ZFYVE9: variants seen among roughly 807,000 people sequenced by gnomAD.
The protein encoded by ZFYVE9 is zinc finger FYVE-type containing 9, also known as zinc finger FYVE domain-containing protein 9.
In ZFYVE9, 43 loss-of-function variants were observed where a neutral mutation model predicts 126.7. The observed-to-expected ratio is 0.34, with a 90% CI of 0.27 to 0.44. The LOEUF (loss-of-function observed/expected upper bound fraction) is 0.44. ZFYVE9 is among the 20% of genes least tolerant of loss of function. The pLI, the probability that ZFYVE9 is intolerant of heterozygous loss-of-function variation, is 1.00. For synonymous variants in ZFYVE9, 521 were observed against 597.4 expected, an observed-to-expected ratio of 0.87 and a Z score of 1.87; for missense variants, 1,476 against 1,697.0, an observed-to-expected ratio of 0.87 and a Z score of 2.29.
chr1:52,255,096 A>G (rs1484061509), intron 4 of ZFYVE9, among the ~76,000 whole-genome samples: 2 of 152,026 alleles, frequency 1.3e-5, no homozygotes, highest in Non-Finnish European at 1.5e-5. Context: ...GTCTCAAAAA[A>G]AAAAAAAAAA....
chr1:52,311,356 C>T (rs1009427705), intron 13 of ZFYVE9, among the ~76,000 whole-genome samples: 2 of 150,206 alleles, frequency 1.3e-5, no homozygotes, highest in African/African-American at 2.5e-5. Flanking sequence ...CCTTCACCTC[C>T]TAGGTTCAAG....
chr1:52,235,423 G>T (rs1035059413), intron 3 of ZFYVE9, among the ~76,000 whole-genome samples: 2 of 152,024 alleles, frequency 1.3e-5, no homozygotes, highest in African/African-American at 2.4e-5. Flanking sequence ...AAATATTCTT[G>T]TAAGAAGCTG....
In ZFYVE9 at chr1:52,203,739, C is replaced by CTAT. The variant is rs572072317; in HGVS notation, c.-142-12610_-142-12608dup. 1.7e-3 allele frequency among the ~76,000 whole-genome samples: 262 copies of CTAT among 150,322 alleles called. 2 individuals carry two copies. In the East Asian group the frequency reaches 0.024, roughly 14 times the overall value. ...TTCCACAGTTCTTGAGTATTTTGTT[C>CTAT]TATTATTATTATTATTATTATTTCA... On this transcript the variant is annotated intron_variant, in intron 1 of 18. Transcript: ENST00000287727.
rs762918827 is a variant in ZFYVE9 at position 52,238,452 on chromosome 1, G to A, written c.1035G>A (p.Met345Ile). 41 of 1,613,990 alleles carry A rather than the reference G, an allele frequency of 2.5e-5. No individual in the cohort carries two copies. Among genetic ancestry groups the A allele is most frequent in the Non-Finnish European group, 4.2e-6 (5 of 1,179,984 alleles). Residue 345 changes from methionine (M) to isoleucine (I), a missense_variant, in exon 4 of 19, where the codon ATG becomes ATA. Physicochemically the swap from Met to Ile is conservative, Grantham distance 10. Transcript: ENST00000287727. ...TACCTTTGCTTCTCAAACCAGACAT[G>A]CCTAATGGGTCTGGAAGGAATAATG... ...SGLPLLLKPD[M>I]PNGSGRNNDC...
chr1:52,189,505 G>A (rs1644797550), intron 1 of ZFYVE9, among the ~76,000 whole-genome samples: 1 of 151,912 alleles, frequency 6.6e-6, no homozygotes, highest in Non-Finnish European at 1.5e-5. Flanking sequence ...CCAAAGTGCT[G>A]GAATTACAGG....
At chr1:52,284,001 C>T (rs1645829665) in intron 10 of ZFYVE9, among the ~76,000 whole-genome samples, 5 of 152,062 alleles carry the variant, frequency 3.3e-5, no homozygotes, top group Admixed American at 2.0e-4. Context: ...TGCTTCAATT[C>T]AGTAGGATTT....
At chr1:52,181,797 C>T (rs1443870937) in intron 1 of ZFYVE9, among the ~76,000 whole-genome samples, 2 of 151,736 alleles carry the variant, frequency 1.3e-5, no homozygotes, top group East Asian at 3.9e-4. Context: ...AGGTGAGGAG[C>T]GTCTCTGGCT....
chr1:52,164,638 G>A (rs897489186), intron 1 of ZFYVE9, among the ~76,000 whole-genome samples: 3 of 151,618 alleles, frequency 2.0e-5, no homozygotes, highest in Admixed American at 6.6e-5. Flanking sequence ...ATCTTTGTCC[G>A]TCCGTCCATC....
chr1:52,323,909 A>AG (rs1186412045), intron 13 of ZFYVE9, among the ~76,000 whole-genome samples: 1 of 151,572 alleles, frequency 6.6e-6, no homozygotes, highest in African/African-American at 2.4e-5. Flanking sequence ...AAAAAAAAAA[A>AG]AAAGCCAGGC....
intron 13 of ZFYVE9, among the ~76,000 whole-genome samples, chr1:52,320,024 A>G (rs938987431): frequency 1.1e-4 from 17 of 150,742 alleles, no homozygotes; most frequent in African/African-American, 3.6e-4. Flanking sequence ...TCAAAAAAAA[A>G]AAAAAAAGAG....
At chr1:52,223,499 G>T (rs1214896686) in intron 2 of ZFYVE9, among the ~76,000 whole-genome samples, 1 of 152,132 alleles carries the variant, frequency 6.6e-6, no homozygotes, top group Non-Finnish European at 1.5e-5. Context: ...TCCTCTATGG[G>T]ATGGTCTTTC....
Position 52,313,469 on chromosome 1 carries a change from T to G in ZFYVE9, c.3438+9544T>G, listed in dbSNP as rs182739116. On this transcript the variant is annotated intron_variant, in intron 13 of 18. Transcript: ENST00000287727. ...GATGGTTAGAATTTGCAGGACCGAT[T>G]GCCAGAAGTGTTTTAAAAATTCAGG... is the stretch of plus-strand genomic sequence containing the variant. 3.0e-3 allele frequency among the ~76,000 whole-genome samples: 462 copies of G among 152,280 alleles called. 4 individuals carry two copies. The highest frequency in any genetic ancestry group is 0.011 in the African/African-American group (447 of 41,556).
intron 1 of ZFYVE9, among the ~76,000 whole-genome samples, chr1:52,202,393 C>T (rs1331946181): frequency 1.3e-5 from 2 of 151,996 alleles, no homozygotes; most frequent in African/African-American, 4.8e-5. Context: ...GATTCTCCTG[C>T]ATTAGGCTCC....
intron 2 of ZFYVE9, among the ~76,000 whole-genome samples, chr1:52,223,762 G>A (rs892943845): frequency 6.6e-6 from 1 of 152,068 alleles, no homozygotes; most frequent in Non-Finnish European, 1.5e-5. Context: ...GATCTCTCAT[G>A]TTTTCTCAGT....
intron 1 of ZFYVE9, among the ~76,000 whole-genome samples, chr1:52,191,407 C>T (rs769897204): frequency 2.6e-5 from 4 of 152,186 alleles, no homozygotes; most frequent in Non-Finnish European, 4.4e-5. Context: ...ACAAATATGC[C>T]AGGCTTTGAA....
In ZFYVE9 at chr1:52,158,011, C is replaced by T. The variant is rs188510873; in HGVS notation, c.-143+15608C>T. The stretch of plus-strand genomic sequence containing the variant: ...GAGCTTTTTAATCCTGTCCTCTGCT[C>T]TCTGCTATGTCAATTCAGTCATTTC... On this transcript the variant is annotated intron_variant, in intron 1 of 18. Transcript: ENST00000287727. 2.3e-3 allele frequency among the ~76,000 whole-genome samples: 347 copies of T among 152,314 alleles called. 1 individual carries two copies. Among genetic ancestry groups the T allele is most frequent in the African/African-American group, 7.9e-3 (330 of 41,560 alleles).
chr1:52,208,194 G>A (rs2124581701), intron 1 of ZFYVE9, among the ~76,000 whole-genome samples: 1 of 152,140 alleles, frequency 6.6e-6, no homozygotes, highest in East Asian at 1.9e-4. Flanking sequence ...AATAGAACAT[G>A]AATTCAAGCC....
chr1:52,333,619 T>C (rs1221774642), intron 14 of ZFYVE9, among the ~76,000 whole-genome samples: 1 of 152,088 alleles, frequency 6.6e-6, no homozygotes, highest in Non-Finnish European at 1.5e-5. Flanking sequence ...GTTAAAAACT[T>C]CACATGAAAA....
At chr1:52,279,279 A>G (rs1645779120) in intron 9 of ZFYVE9, among the ~76,000 whole-genome samples, 1 of 152,164 alleles carries the variant, frequency 6.6e-6, no homozygotes, top group Non-Finnish European at 1.5e-5. Flanking sequence ...TAAATTATAC[A>G]GGCTACTCAA....
Sources: allele counts gnomAD v4.1 joint callset (sites outside exome capture counted in the v4.1 genomes callset), GRCh38; gene constraint gnomAD v4.1.1; transcripts MANE v1.5; gene names NCBI Gene and HGNC (gene_info 2026-07-23, HGNC 2026-07-21).